Variants in MATR3 observed in about 807,000 individuals in gnomAD.
The protein encoded by MATR3 is matrin-3.
A neutral mutation model predicts 85.5 loss-of-function variants in MATR3; 4 were observed. The observed-to-expected ratio is 0.05, with a 90% CI of 0.02 to 0.11. MATR3 has a LOEUF of 0.11. Ranked by LOEUF, MATR3 falls within the 10% of genes least tolerant of loss-of-function variation. The pLI, the probability that MATR3 is intolerant of heterozygous loss-of-function variation, is 1.00. For missense variants in MATR3, 685 were observed against 1,016.1 expected (o/e 0.67, Z 4.43); for synonymous variants, 336 against 343.1 (o/e 0.98, Z 0.23).
chr5:139,278,822 A>T (rs768124888), intron 2 of MATR3: 3 of 516,588 alleles, frequency 5.8e-6, no homozygotes, highest in South Asian at 4.2e-5. Context: ...GGTGCCTGTG[A>T]TGGTGTTACA....
Position 139,307,616 on chromosome 5 carries a change from A to G in MATR3, c.201A>G (p.Gln67=). Residue 67 remains glutamine (Q), a synonymous_variant, in exon 2 of 15, where the codon CAA becomes CAG. Transcript: ENST00000394805. This position sits in a 1 kb window ranked among gnomAD's most constrained non-coding sequence, Gnocchi z 4.4. ...NLGMSSSLNQ[Q]GAHSALSSAS... ...GAATGAGTTCTTCATTGAATCAACA[A>G]GGAGCTCATAGTGCACTGTCTTCTG... The G allele has an allele frequency of 6.2e-7, 1 of 1,614,190 alleles. No individual in the cohort carries two copies.
intron 3 of MATR3, among the ~76,000 whole-genome samples, chr5:139,287,858 CT>C (rs1469801820): frequency 6.6e-6 from 1 of 152,148 alleles, no homozygotes; most frequent in Non-Finnish European, 1.5e-5. Flanking sequence ...GGAAGTTTGT[CT>C]TTTCCATCAT....
At chr5:139,290,840 C>G (rs1016136796), upstream of MATR3, among the ~76,000 whole-genome samples, 27 of 152,112 alleles carry the variant, frequency 1.8e-4, no homozygotes, top group African/African-American at 6.3e-4. Context: ...GGGCTCAAGA[C>G]CCATATATAC....
At chr5:139,274,386 C>A in intron 1 of MATR3, 1 of 261,662 alleles carries the variant, frequency 3.8e-6, no homozygotes, top group Non-Finnish European at 7.7e-6. Flanking sequence ...AGCCTGACTC[C>A]GAGAGCCTCG....
At chr5:139,298,448 T>C (rs1210921433) in intron 1 of MATR3, among the ~76,000 whole-genome samples, 1 of 152,168 alleles carries the variant, frequency 6.6e-6, no homozygotes, top group Non-Finnish European at 1.5e-5. Flanking sequence ...GGCGCGTTCC[T>C]GTAATTCCAG....
At chr5:139,327,275 A>G (rs1231705051) in intron 14 of MATR3, among the ~76,000 whole-genome samples, 1 of 149,370 alleles carries the variant, frequency 6.7e-6, no homozygotes, top group Non-Finnish European at 1.5e-5. Flanking sequence ...TTTGGAAATA[A>G]TTCAAGTTCT....
Position 139,331,433 on chromosome 5 carries a change from G to T in MATR3, c.*2038G>T, listed in dbSNP as rs1756144235. On this transcript the variant is annotated 3_prime_UTR_variant, in exon 15 of 15. Transcript: ENST00000394805. ...TCAACTTTGTTGGATTTAGCAAGTT[G>T]AAGGAAAGAATGCTATGTTTTTAAT... 1 of 454,004 alleles carries T rather than the reference G, an allele frequency of 2.2e-6. No homozygotes were observed. Among genetic ancestry groups the T allele is most frequent in the Non-Finnish European group, 4.4e-6 (1 of 226,810 alleles). The allele number at this position is 454,004 out of a possible 1,614,324, so 28.1% of individuals were successfully genotyped here.
At chr5:139,296,865 A>G (rs1018156663) in intron 1 of MATR3, among the ~76,000 whole-genome samples, 2 of 152,220 alleles carry the variant, frequency 1.3e-5, no homozygotes, top group African/African-American at 4.8e-5. Context: ...GCTATCCCAC[A>G]CTTCTGGCAA....
chr5:139,310,710 TA>T (rs1754924497), intron 2 of MATR3: 1 of 152,166 alleles, frequency 6.6e-6, no homozygotes, highest in African/African-American at 2.4e-5. Context: ...GGAGTGTCAT[TA>T]TTTTTAGGTG....
intron 1 of MATR3, among the ~76,000 whole-genome samples, chr5:139,296,714 C>A (rs942220654): frequency 6.6e-6 from 1 of 152,122 alleles, no homozygotes; most frequent in African/African-American, 2.4e-5. Flanking sequence ...ATGTTAAAAT[C>A]ATTATTATTG....
chr5:139,325,451 C>T lies in MATR3; in HGVS notation c.2160C>T (p.Ile720=), dbSNP rs367739358. ...AKKKLKKVDK[I]EELDQENEAA... ...TGGTTGAAATTAAGGTGGACAAGAT[C>T]GAGGAACTTGATCAAGAAAACGAAG... The change falls in exon 13 of 15, where the codon ATC becomes ATT. Residue 720 remains isoleucine, a synonymous_variant. Coordinates refer to ENST00000394805, the MANE Select transcript of MATR3 (RefSeq NM_018834.6). 1.1e-5 allele frequency: 18 copies of T among 1,613,908 alleles called. No individual in the cohort carries two copies. Among genetic ancestry groups the T allele is most frequent in the African/African-American group, 9.3e-5 (7 of 74,876 alleles).
At chr5:139,320,177 C>G (rs1721404213) in intron 9 of MATR3, among the ~76,000 whole-genome samples, 2 of 151,216 alleles carry the variant, frequency 1.3e-5, no homozygotes. Flanking sequence ...GGCGTGGTGG[C>G]GTGCGCCTGT....
At chr5:139,291,041 A>G (rs990354642), upstream of MATR3, among the ~76,000 whole-genome samples, 9 of 152,148 alleles carry the variant, frequency 5.9e-5, no homozygotes, top group South Asian at 8.3e-4. Context: ...GATTGCTTAA[A>G]CCCGGGACGC....
At chr5:139,306,975 T>C (rs1468258119) in intron 1 of MATR3, among the ~76,000 whole-genome samples, 2 of 152,214 alleles carry the variant, frequency 1.3e-5, no homozygotes, top group Non-Finnish European at 2.9e-5. Context: ...CTCAGACATC[T>C]AACCTTTCAA....
chr5:139,306,797 A>G (rs1446024664), intron 1 of MATR3, among the ~76,000 whole-genome samples: 1 of 152,160 alleles, frequency 6.6e-6, no homozygotes, highest in Non-Finnish European at 1.5e-5. Context: ...TCTGATAGTG[A>G]TAATAGGTCT....
At chr5:139,297,684 G>A (rs922279038) in intron 1 of MATR3, among the ~76,000 whole-genome samples, 1 of 152,078 alleles carries the variant, frequency 6.6e-6, no homozygotes, top group Non-Finnish European at 1.5e-5. Context: ...TGCCTTTGAT[G>A]TGATGTATAA....
intron 3 of MATR3, 100 bp from the exon 4 acceptor site, chr5:139,315,597 T>C (rs1340685396): frequency 1.3e-6 from 1 of 783,110 alleles, no homozygotes; most frequent in African/African-American, 1.7e-5. Context: ...GACTCTCAGA[T>C]AACTTTACTA....
At chr5:139,291,938 CTTTTTTTTTTTT>C (rs10572568), upstream of MATR3, 3 of 79,796 alleles carry the variant, frequency 3.8e-5, no homozygotes, top group African/African-American at 9.3e-5. Flanking sequence ...ATTACATAAC[CTTTTTTTTTTTT>C]TTTTTTTTTT....
At chr5:139,318,024 A>C (rs372368664) in intron 7 of MATR3, among the ~76,000 whole-genome samples, 1 of 152,220 alleles carries the variant, frequency 6.6e-6, no homozygotes, top group African/African-American at 2.4e-5. Context: ...TCAAGTCATT[A>C]TTTTTAGTCC....
Sources: gnomAD v4.1 joint callset for allele counts (sites outside exome capture counted in the v4.1 genomes callset) on GRCh38, gnomAD v4.1.1 for gene constraint, Gnocchi (gnomAD v3.1) non-coding constraint, MANE v1.5 for transcripts, NCBI Gene and HGNC (gene_info 2026-07-23, HGNC 2026-07-21) for gene names.